The following KLHL30 variants were observed in gnomAD, a reference collection of about 807,000 sequenced individuals.
KLHL30 encodes the protein kelch like family member 30, also known as kelch-like protein 30.
In KLHL30, 55 loss-of-function variants were observed where a neutral mutation model predicts 55.0. That is an observed-to-expected ratio of 1.00 (90% CI 0.80 to 1.25). KLHL30 has a LOEUF of 1.25. Among genes scored for constraint, KLHL30 ranks in the 50% most tolerant of loss-of-function variants. KLHL30 has a pLI of 0.00. For missense variants in KLHL30, 786 were observed against 811.6 expected, an observed-to-expected ratio of 0.97 and a Z score of 0.38; for synonymous variants, 356 against 372.6, an observed-to-expected ratio of 0.96 and a Z score of 0.51.
rs1692670856 is a variant in KLHL30, at chr2:238,147,644, C to T, written c.1151-190C>T. Among the ~76,000 whole-genome samples the T allele has an allele frequency of 6.6e-6, 1 of 152,170 alleles. No homozygotes were observed. The highest frequency in any genetic ancestry group is 2.1e-4 in the South Asian group (1 of 4,836). On this transcript the variant is annotated intron_variant, in intron 5 of 7. Transcript: ENST00000409223. The surrounding 1 kb of genome is among the most constrained non-coding windows in gnomAD (Gnocchi z 5.8). The stretch of plus-strand genomic sequence containing the variant: ...TCTAGGCCCGAGTGTCCACCCCCAC[C>T]CCCACCACTTCCTGGCGGGGCGGCC...
chr2:238,144,601 G>C (rs532069067), intron 3 of KLHL30, among the ~76,000 whole-genome samples: 1 of 152,236 alleles, frequency 6.6e-6, no homozygotes, highest in South Asian at 2.1e-4. Flanking sequence ...GGTCAGTGGG[G>C]TCAACTGCAG....
Position 238,142,891 on chromosome 2 carries a change from C to T in KLHL30, c.867C>T (p.Thr289=), listed in dbSNP as rs369250385. 7.0e-5 allele frequency: 105 copies of T among 1,496,328 alleles called. No homozygotes were observed. In the African/African-American group the frequency reaches 1.4e-3, roughly 20 times the overall value. The allele number at this position is 1,496,328 out of a possible 1,614,324, so 92.7% of individuals were successfully genotyped here. A position where few individuals can be genotyped will look rare whatever the true frequency, so the allele number is the denominator to read the frequency against. ...LEEEEAGEEP[T]PGLGNFAFYN... The stretch of plus-strand genomic sequence containing the variant: ...AGGAGGAGGCAGGTGAGGAGCCCAC[C>T]CCCGGCCTTGGGAACTTTGCCTTCT... The change falls in exon 3 of 8, where the codon ACC becomes ACT. Residue 289 remains threonine (T), a synonymous_variant. Transcript: ENST00000409223.
At chr2:238,145,977 G>A in intron 5 of KLHL30, 145 bp downstream of exon 5, 3 of 1,061,096 alleles carry the variant, frequency 2.8e-6, no homozygotes, top group South Asian at 1.7e-5. Context: ...TGTCTGGTGG[G>A]GCGGGCAAGC....
intron 3 of KLHL30, among the ~76,000 whole-genome samples, chr2:238,143,542 A>T (rs1230081390): frequency 6.6e-6 from 1 of 152,250 alleles, no homozygotes; most frequent in Non-Finnish European, 1.5e-5. Flanking sequence ...GAAAGGAGGC[A>T]TGAGGGGCCC....
At chr2:238,139,409 A>G (rs1237167418) in intron 1 of KLHL30, among the ~76,000 whole-genome samples, 1 of 152,152 alleles carries the variant, frequency 6.6e-6, no homozygotes, top group Non-Finnish European at 1.5e-5. Context: ...AACCCCATGC[A>G]TGCAGTGTTG....
At chr2:238,145,254 C>T (rs574785485) in intron 4 of KLHL30, among the ~76,000 whole-genome samples, 4 of 152,216 alleles carry the variant, frequency 2.6e-5, no homozygotes, top group Non-Finnish European at 4.4e-5. Context: ...GCCACGCTGG[C>T]GTGGCTGCTG....
Position 238,147,917 on chromosome 2 carries a change from G to A in KLHL30, c.1234G>A (p.Val412Ile), listed in dbSNP as rs777817565. The A allele has an allele frequency of 2.2e-5, 36 of 1,604,256 alleles. No homozygotes were observed. Among genetic ancestry groups the A allele is most frequent in the Admixed American group, 3.4e-5 (2 of 59,002 alleles). Residue 412 changes from valine (V) to isoleucine (I), a missense_variant, in exon 6 of 8, where the codon GTC becomes ATC. Transcript: ENST00000409223. This position sits in a 1 kb window ranked among gnomAD's most constrained non-coding sequence, Gnocchi z 5.8. ...WTPVSPALKYVSNFSAAGCRG... is the reference protein window; with the variant it reads ...WTPVSPALKYISNFSAAGCRG... ...GCCCGTCAGCCCGGCCCTCAAATAC[G>A]TCAGCAACTTCTCGGCTGCCGGCTG...
Position 238,151,227 on chromosome 2 carries a change from C to T in KLHL30, c.*162C>T. The stretch of plus-strand genomic sequence containing the variant: ...ATCAGACGGCATGGCTTGGAGGACA[C>T]AGCCTTGGTCTCTGTGGCCACCACA... On this transcript the variant is annotated 3_prime_UTR_variant, in exon 8 of 8. Coordinates refer to ENST00000409223, the MANE Select transcript of KLHL30 (RefSeq NM_198582.4). 1 of 982,824 alleles carries T rather than the reference C, an allele frequency of 1.0e-6. No individual in the cohort carries two copies. Among genetic ancestry groups the T allele is most frequent in the Non-Finnish European group, 1.5e-6 (1 of 682,322 alleles). The allele number at this position is 982,824 out of a possible 1,614,324, so 60.9% of individuals were successfully genotyped here.
In KLHL30 at chr2:238,147,768, GC is replaced by G; in HGVS notation, c.1151-62del. ...CACTTTGCTGCCTTACAAAGCCCCA[GC>G]CCCTGAGTTTCCAGGCCTCCCCTCT... On this transcript the variant is annotated intron_variant, in intron 5 of 7. Coordinates refer to ENST00000409223, the MANE Select transcript of KLHL30 (RefSeq NM_198582.4). This position sits in a 1 kb window ranked among gnomAD's most constrained non-coding sequence, Gnocchi z 5.8. The G allele has an allele frequency of 9.3e-7, 1 of 1,070,444 alleles. No homozygotes were observed. Among genetic ancestry groups the G allele is most frequent in the Non-Finnish European group, 1.3e-6 (1 of 794,914 alleles). 66.3% of individuals were successfully genotyped at this position (1,070,444 alleles called of 1,614,324 possible). A position where few individuals can be genotyped will look rare whatever the true frequency, so the allele number is the denominator to read the frequency against.
Position 238,140,969 on chromosome 2 carries a change from C to T in KLHL30, c.215C>T (p.Ala72Val), listed in dbSNP as rs764766983. Residue 72 changes from alanine to valine, a missense_variant, in exon 2 of 8, where the codon GCG becomes GTG. Ala to Val is a moderately conservative substitution (Grantham distance 64). Transcript: ENST00000409223. ...GGTGACTTCGCCGAGAGCTTCTCTG[C>T]GCGCGTGGAGCTGCGGGACGTGGAG... ...FAGDFAESFS[A>V]RVELRDVEPA... The T allele has an allele frequency of 2.8e-5, 45 of 1,612,152 alleles. 1 individual carries two copies. Among genetic ancestry groups the T allele is most frequent in the African/African-American group, 2.4e-4 (18 of 74,944 alleles).
At position 238,148,000 on chromosome 2, in the gene KLHL30, GC is replaced by G; in HGVS notation, c.1318del (p.Gln440SerfsTer12). On this transcript the variant is annotated frameshift_variant, in exon 6 of 8. Coordinates refer to ENST00000409223, the MANE Select transcript of KLHL30 (RefSeq NM_198582.4). LOFTEE classifies it high-confidence loss of function. This position sits in a 1 kb window ranked among gnomAD's most constrained non-coding sequence, Gnocchi z 5.8. ...SACKYNALAL[Q>X]CYNPVTDAWS... is the part of the protein sequence containing the mutation. ...CCTGCAAGTACAACGCCCTGGCCCTGCAGTGCTACAACCCTGTCACAGGTGG... is the reference window on the plus strand; with the variant it reads ...CCTGCAAGTACAACGCCCTGGCCCTGAGTGCTACAACCCTGTCACAGGTGG... 1 of 1,518,116 alleles carries G rather than the reference GC, an allele frequency of 6.6e-7. No homozygotes were observed. Among genetic ancestry groups the G allele is most frequent in the Non-Finnish European group, 8.8e-7 (1 of 1,129,954 alleles). The allele number at this position is 1,518,116 out of a possible 1,614,324, so 94.0% of individuals were successfully genotyped here. A position where few individuals can be genotyped will look rare whatever the true frequency, so the allele number is the denominator to read the frequency against.
Position 238,151,112 on chromosome 2 carries a change from T to C in KLHL30, c.*47T>C. 1 of 1,544,522 alleles carries C rather than the reference T, an allele frequency of 6.5e-7. No individual in the cohort carries two copies. Among genetic ancestry groups the C allele is most frequent in the South Asian group, 1.2e-5 (1 of 83,440 alleles). On this transcript the variant is annotated 3_prime_UTR_variant, in exon 8 of 8. Coordinates refer to ENST00000409223, the MANE Select transcript of KLHL30 (RefSeq NM_198582.4). ...GAGGAGTCCCCACAGCGGCCCCTCA[T>C]CAGCCTGTGGAACGGCCCCTTTCAT... is the stretch of plus-strand genomic sequence containing the variant.
In KLHL30 at chr2:238,140,918, G is replaced by T. The variant is rs1485854182; in HGVS notation, c.164G>T (p.Ser55Ile). The T allele has an allele frequency of 6.2e-7, 1 of 1,610,814 alleles. No individual in the cohort carries two copies. Among genetic ancestry groups the T allele is most frequent in the African/African-American group, 1.3e-5 (1 of 74,924 alleles). ...CACCGCGGCCTCCTGGCGCTCAGCA[G>T]CCCCTACTTCCATGCCATGTTTGCG... ...PCHRGLLALS[S>I]PYFHAMFAGD... The change falls in exon 2 of 8, where the codon AGC becomes ATC. Residue 55 changes from serine to isoleucine, a missense_variant. Coordinates refer to ENST00000409223, the MANE Select transcript of KLHL30 (RefSeq NM_198582.4).
Position 238,142,949 on chromosome 2 carries a change from GT to G in KLHL30, c.907+19del. 1 of 1,503,494 alleles carries G rather than the reference GT, an allele frequency of 6.7e-7. No homozygotes were observed. The highest frequency in any genetic ancestry group is 8.8e-7 in the Non-Finnish European group (1 of 1,139,828). The allele number at this position is 1,503,494 out of a possible 1,614,324, so 93.1% of individuals were successfully genotyped here. A position where few individuals can be genotyped will look rare whatever the true frequency, so the allele number is the denominator to read the frequency against. ...CAAGGCCAGTGAGTACCCCTCCCGCGTCCAGACCCACCTGCTGTCTCTCTGT... is the reference window on the plus strand; with the variant it reads ...CAAGGCCAGTGAGTACCCCTCCCGCGCCAGACCCACCTGCTGTCTCTCTGT... On this transcript the variant is annotated intron_variant, in intron 3 of 7. Transcript: ENST00000409223.
chr2:238,151,886 C>A lies in KLHL30; in HGVS notation c.*821C>A. On this transcript the variant is annotated 3_prime_UTR_variant, in exon 8 of 8. Transcript: ENST00000409223. Reference sequence around the variant, plus strand: ...TAGAATGGAATTTCCCACCAGGGGACGACTCTTGGGTGCATTGGTGGCAGC... The same window carrying A: ...TAGAATGGAATTTCCCACCAGGGGAAGACTCTTGGGTGCATTGGTGGCAGC... The A allele has an allele frequency of 1.0e-6, 1 of 985,440 alleles. No homozygotes were observed. The highest frequency in any genetic ancestry group is 1.2e-6 in the Non-Finnish European group (1 of 829,906). 61.0% of individuals were successfully genotyped at this position (985,440 alleles called of 1,614,324 possible). A position where few individuals can be genotyped will look rare whatever the true frequency, so the allele number is the denominator to read the frequency against.
intron 1 of KLHL30, 36 bp from the exon 2 acceptor site, chr2:238,140,648 AT>A (rs1474543099): frequency 8.1e-7 from 1 of 1,231,752 alleles, no homozygotes; most frequent in African/African-American, 1.5e-5. Flanking sequence ...GGATGAGACC[AT>A]CCCCACTTGG....
intron 6 of KLHL30, 21 bp downstream of exon 6, chr2:238,148,043 G>T (rs375741469): frequency 3.7e-4 from 505 of 1,377,596 alleles, no homozygotes; most frequent in Non-Finnish European, 4.5e-4. Context: ...CTCAGGGACC[G>T]AGGATAGAGG....
chr2:238,141,588 C>T, intron 2 of KLHL30, 60 bp downstream of exon 2: 1 of 1,419,806 alleles, frequency 7.0e-7, no homozygotes, highest in Non-Finnish European at 9.2e-7. Flanking sequence ...CCCAGAGACC[C>T]CACCTGAGTA....
chr2:238,140,910 G>A lies in KLHL30; in HGVS notation c.156G>A (p.Ala52=), dbSNP rs757581276. ...RELPCHRGLL[A]LSSPYFHAMF... is the part of the protein sequence containing the mutation. ...TGCCATGCCACCGCGGCCTCCTGGC[G>A]CTCAGCAGCCCCTACTTCCATGCCA... Residue 52 remains alanine (A), a synonymous_variant, in exon 2 of 8, where the codon GCG becomes GCA. Coordinates refer to ENST00000409223, the MANE Select transcript of KLHL30 (RefSeq NM_198582.4). The A allele has an allele frequency of 1.1e-5, 17 of 1,610,720 alleles. No homozygotes were observed. In the African/African-American group the frequency reaches 1.1e-4, roughly 10 times the overall value.
Sources: allele counts gnomAD v4.1 joint callset (sites outside exome capture counted in the v4.1 genomes callset), GRCh38; gene constraint gnomAD v4.1.1; non-coding constraint Gnocchi (gnomAD v3.1); transcripts MANE v1.5; gene names NCBI Gene and HGNC (gene_info 2026-07-23, HGNC 2026-07-21).